The following ACACA variants were observed in gnomAD, a reference collection of about 807,000 sequenced individuals.
The protein encoded by ACACA is acetyl-CoA carboxylase alpha.
A neutral mutation model predicts 296.1 loss-of-function variants in ACACA; 103 were observed. That is an observed-to-expected ratio of 0.35 (90% CI 0.30 to 0.41). ACACA has a LOEUF of 0.41. Ranked by LOEUF, ACACA falls within the 10% of genes least tolerant of loss-of-function variation. The pLI is 1.00. For synonymous variants in ACACA, 953 were observed against 1,038.6 expected, an observed-to-expected ratio of 0.92 and a Z score of 1.58; for missense variants, 1,554 against 2,989.7, an observed-to-expected ratio of 0.52 and a Z score of 11.20.
chr17:37,270,938 T>A (rs1015405857), intron 9 of ACACA, 77 bp from the exon 10 acceptor site: 2 of 999,858 alleles, frequency 2.0e-6, no homozygotes, highest in African/African-American at 1.6e-5. Context: ...TTTTTCTCCC[T>A]TTAAGAATGC....
chr17:37,179,735 C>T (rs112000124), intron 40 of ACACA, among the ~76,000 whole-genome samples: 35 of 152,102 alleles, frequency 2.3e-4, no homozygotes, highest in Middle Eastern at 3.4e-3. Context: ...CTCCTTAAAA[C>T]AAAGAAAAGG....
intron 47 of ACACA, among the ~76,000 whole-genome samples, chr17:37,126,512 A>AT (rs1473752304): frequency 1.3e-5 from 2 of 152,080 alleles, no homozygotes; most frequent in Non-Finnish European, 2.9e-5. Context: ...TAAAAAAAAA[A>AT]CTTTTGTTCC....
chr17:37,199,570 G>C (rs186521119), intron 35 of ACACA, among the ~76,000 whole-genome samples: 1 of 152,022 alleles, frequency 6.6e-6, no homozygotes, highest in Non-Finnish European at 1.5e-5. Flanking sequence ...CTGTTCCTAC[G>C]ATTAACATAA....
In ACACA at chr17:37,113,181, G is replaced by A; in HGVS notation, c.6359C>T (p.Pro2120Leu). Residue 2120 changes from proline to leucine, a missense_variant, in exon 51 of 56, where the codon CCT becomes CTT. Transcript: ENST00000616317. The surrounding 1 kb of genome is among the most constrained non-coding windows in gnomAD (Gnocchi z 4.0). ...GCCACCCCGCAGCTCAGCCTGGGGAGGAATGTAAACCAGCACAGGCTGGCA... is the reference window on the plus strand; with the variant it reads ...GCCACCCCGCAGCTCAGCCTGGGGAAGAATGTAAACCAGCACAGGCTGGCA... ...ECCQPVLVYI[P>L]PQAELRGGSW... 1 of 1,614,206 alleles carries A rather than the reference G, an allele frequency of 6.2e-7. No individual in the cohort carries two copies. Among genetic ancestry groups the A allele is most frequent in the Non-Finnish European group, 8.5e-7 (1 of 1,180,036 alleles).
intron 21 of ACACA, 33 bp downstream of exon 21, chr17:37,244,555 G>C: frequency 1.2e-6 from 2 of 1,611,568 alleles, no homozygotes; most frequent in Non-Finnish European, 1.7e-6. Context: ...TATCCCATTT[G>C]TACATCCCTT....
rs1050352906 is a variant in ACACA at position 37,330,555 on chromosome 17, T to C, written c.86-130A>G. ...AAGGCAATTTGAGAACTAACTTCCT[T>C]GGCTATTCTATTTCAGGGCCTTTAA... On this transcript the variant is annotated intron_variant, in intron 2 of 55. Coordinates refer to ENST00000616317, the MANE Select transcript of ACACA (RefSeq NM_198834.3). 5 of 1,152,810 alleles carry C rather than the reference T, an allele frequency of 4.3e-6. No individual in the cohort carries two copies. In the African/African-American group the frequency reaches 7.7e-5, roughly 18 times the overall value. 71.4% of individuals were successfully genotyped at this position (1,152,810 alleles called of 1,614,324 possible).
intron 54 of ACACA, among the ~76,000 whole-genome samples, chr17:37,090,654 C>T (rs2072556415): frequency 6.6e-6 from 1 of 152,200 alleles, no homozygotes; most frequent in Non-Finnish European, 1.5e-5. Context: ...ACATCAGCCC[C>T]TATCCACGAG....
At chr17:37,106,363 T>A (rs1356077476) in intron 52 of ACACA, among the ~76,000 whole-genome samples, 1 of 152,168 alleles carries the variant, frequency 6.6e-6, no homozygotes, top group Non-Finnish European at 1.5e-5. Context: ...TAGCTTTTTT[T>A]AAAACCCCAT....
At chr17:37,336,881 C>A (rs185767165) in intron 2 of ACACA, among the ~76,000 whole-genome samples, 6 of 152,188 alleles carry the variant, frequency 3.9e-5, no homozygotes, top group Admixed American at 2.0e-4. Context: ...GGAATCACCA[C>A]TCAACATGTG....
At chr17:37,223,105 GC>G (rs1690929220) in intron 28 of ACACA, among the ~76,000 whole-genome samples, 1 of 152,196 alleles carries the variant, frequency 6.6e-6, no homozygotes, top group Non-Finnish European at 1.5e-5. Flanking sequence ...CATAAGAGCT[GC>G]TTGACAATCC....
At chr17:37,330,634 C>CTATG (rs2047832606) in intron 2 of ACACA, among the ~76,000 whole-genome samples, 1 of 152,156 alleles carries the variant, frequency 6.6e-6, no homozygotes, top group East Asian at 1.9e-4. Context: ...TAAATTAAAA[C>CTATG]CAGTTCCCTT....
In ACACA at chr17:37,241,914, T is replaced by C. The variant is rs2080430476; in HGVS notation, c.3032+39A>G. The C allele has an allele frequency of 4.6e-6, 7 of 1,518,548 alleles. No homozygotes were observed. In the East Asian group the frequency reaches 1.6e-4, roughly 34 times the overall value. 94.1% of individuals were successfully genotyped at this position (1,518,548 alleles called of 1,614,324 possible). On this transcript the variant is annotated intron_variant, in intron 23 of 55. Coordinates refer to ENST00000616317, the MANE Select transcript of ACACA (RefSeq NM_198834.3). ...CACTTGAAAGAAAGGAAGACATGAG[T>C]ATGGACAGGTCTGGGAATCTGGAGT...
At chr17:37,307,941 C>T (rs1436394320) in intron 3 of ACACA, among the ~76,000 whole-genome samples, 2 of 109,396 alleles carry the variant, frequency 1.8e-5, no homozygotes, top group African/African-American at 5.2e-5. Context: ...ACTGATATAA[C>T]AAGTAGAAAA....
chr17:37,360,096 C>A (rs547314944), intron 1 of ACACA: 6 of 152,238 alleles, frequency 3.9e-5, no homozygotes, highest in Admixed American at 6.5e-5. Flanking sequence ...GCAAGACTTT[C>A]ATGGTAGCTG....
intron 2 of ACACA, among the ~76,000 whole-genome samples, chr17:37,330,736 G>T (rs2147224904): frequency 6.6e-6 from 1 of 152,262 alleles, no homozygotes; most frequent in East Asian, 1.9e-4. Flanking sequence ...GATCAATGGG[G>T]AAACCTTTGC....
chr17:37,175,068 C>T (rs1291514999), intron 41 of ACACA, among the ~76,000 whole-genome samples: 2 of 152,110 alleles, frequency 1.3e-5, no homozygotes, highest in Non-Finnish European at 2.9e-5. Context: ...AAAACAGGGT[C>T]CTAATTTCTA....
At chr17:37,207,597 A>C (rs2078564361) in intron 31 of ACACA, 60 bp downstream of exon 31, 1 of 1,599,898 alleles carries the variant, frequency 6.3e-7, no homozygotes, top group South Asian at 1.1e-5. Flanking sequence ...GAAAGATGAG[A>C]CCCCAAAACA....
At chr17:37,281,709 T>C (rs2082544323) in intron 5 of ACACA, among the ~76,000 whole-genome samples, 1 of 151,742 alleles carries the variant, frequency 6.6e-6, no homozygotes, top group South Asian at 2.1e-4. Context: ...CTACTAAAAA[T>C]ACAAAAATTA....
intron 42 of ACACA, among the ~76,000 whole-genome samples, chr17:37,157,332 G>C (rs1399089668): frequency 1.3e-5 from 2 of 152,182 alleles, no homozygotes; most frequent in Admixed American, 6.5e-5. Context: ...GAGTCGGGTA[G>C]AGCCAATGTG....
Sources: allele counts gnomAD v4.1 joint callset (sites outside exome capture counted in the v4.1 genomes callset), GRCh38; gene constraint gnomAD v4.1.1; non-coding constraint Gnocchi (gnomAD v3.1); transcripts MANE v1.5; gene names NCBI Gene and HGNC (gene_info 2026-07-23, HGNC 2026-07-21).